Variants in HMGA2 observed in about 807,000 individuals in gnomAD.
The protein encoded by HMGA2 is high mobility group AT-hook 2, also known as high mobility group protein HMGI-C.
A neutral mutation model predicts 19.1 loss-of-function variants in HMGA2; 8 were observed. That is an observed-to-expected ratio of 0.42 (90% CI 0.25 to 0.76). The LOEUF (loss-of-function observed/expected upper bound fraction) is 0.76, where lower values mean the gene tolerates loss of function less well. HMGA2 is among the 30% of genes least tolerant of loss of function. The pLI is 0.28. For missense variants in HMGA2, 109 were observed against 136.3 expected, an observed-to-expected ratio of 0.80 and a Z score of 1.00; for synonymous variants, 60 against 48.8, an observed-to-expected ratio of 1.23 and a Z score of -0.96.
intron 3 of HMGA2, among the ~76,000 whole-genome samples, chr12:65,861,334 T>G (rs1872054398): frequency 6.6e-6 from 1 of 151,960 alleles, no homozygotes; most frequent in Non-Finnish European, 1.5e-5. Flanking sequence ...CCACCGCACC[T>G]CCAGCCTGGC....
intron 3 of HMGA2, among the ~76,000 whole-genome samples, chr12:65,927,712 T>C (rs10878347): frequency 0.29 from 44,500 of 151,698 alleles, 7,339 homozygotes; most frequent in African/African-American, 0.43. Flanking sequence ...GCTATCCAAA[T>C]ATCTTTACTG....
intron 3 of HMGA2, among the ~76,000 whole-genome samples, chr12:65,915,886 C>G (rs1875081166): frequency 6.6e-6 from 1 of 152,146 alleles, no homozygotes; most frequent in African/African-American, 2.4e-5. Context: ...CGTTGCTTCC[C>G]CCTCTTCTCT....
intron 3 of HMGA2, among the ~76,000 whole-genome samples, chr12:65,851,034 G>A (rs1387553734): frequency 6.6e-6 from 1 of 152,068 alleles, no homozygotes; most frequent in Non-Finnish European, 1.5e-5. Context: ...TTCCTACTTG[G>A]GGTACTGTAA....
At chr12:65,852,558 A>G (rs557299183) in intron 3 of HMGA2, among the ~76,000 whole-genome samples, 3 of 152,270 alleles carry the variant, frequency 2.0e-5, no homozygotes, top group Admixed American at 6.5e-5. Context: ...GGTGAATGAA[A>G]TTGTTCCTGT....
At chr12:65,917,038 A>C (rs1337518424) in intron 3 of HMGA2, among the ~76,000 whole-genome samples, 1 of 152,198 alleles carries the variant, frequency 6.6e-6, no homozygotes, top group Non-Finnish European at 1.5e-5. Context: ...AAAGAGGAAG[A>C]GGTGTCAGGG....
intron 1 of HMGA2, 145 bp from the exon 2 acceptor site, chr12:65,827,856 A>C (rs142185585): frequency 2.8e-6 from 2 of 702,576 alleles, no homozygotes; most frequent in Admixed American, 2.0e-5. Flanking sequence ...TAAACTCTGT[A>C]CCATCATCAT....
At chr12:65,962,080 T>C (rs1268963030) in intron 4 of HMGA2, among the ~76,000 whole-genome samples, 2 of 152,220 alleles carry the variant, frequency 1.3e-5, no homozygotes, top group Non-Finnish European at 2.9e-5. Flanking sequence ...ATAAGCTGTT[T>C]TAAGCTGGCC....
intron 3 of HMGA2, chr12:65,915,266 C>G (rs1348099838): frequency 3.3e-6 from 5 of 1,512,592 alleles, no homozygotes; most frequent in Non-Finnish European, 4.4e-6. Flanking sequence ...CATTTCAAAA[C>G]ACTGGCTTAT....
chr12:65,838,438 T>C, intron 2 of HMGA2, 81 bp from the exon 3 acceptor site: 1 of 1,062,964 alleles, frequency 9.4e-7, no homozygotes, highest in South Asian at 1.4e-5. Flanking sequence ...AGAACATTCT[T>C]ACTTCAAATG....
chr12:65,896,740 G>A (rs1243319883), intron 3 of HMGA2, among the ~76,000 whole-genome samples: 3 of 152,180 alleles, frequency 2.0e-5, no homozygotes, highest in Non-Finnish European at 4.4e-5. Flanking sequence ...AGCCTGCGGG[G>A]AGGTCTGTGT....
intron 3 of HMGA2, chr12:65,855,979 A>G (rs1056877137): frequency 4.6e-5 from 7 of 151,292 alleles, no homozygotes; most frequent in Admixed American, 2.6e-4. Flanking sequence ...GGTGGTAACT[A>G]TTATCTTATT....
intron 3 of HMGA2, among the ~76,000 whole-genome samples, chr12:65,898,753 A>G (rs1248221603): frequency 1.3e-5 from 2 of 152,020 alleles, no homozygotes; most frequent in Non-Finnish European, 2.9e-5. Context: ...TCCCATTTTA[A>G]AGATGAGGAG....
At position 65,914,598 on chromosome 12, in the gene HMGA2, C is replaced by G. The variant is rs1236016034; in HGVS notation, c.250-36785C>G. 3.6e-5 allele frequency: 9 copies of G among 250,772 alleles called. 1 individual carries two copies. In the Admixed American group the frequency reaches 4.5e-4, roughly 13 times the overall value. The allele number at this position is 250,772 out of a possible 1,614,324, so 15.5% of individuals were successfully genotyped here. A position where few individuals can be genotyped will look rare whatever the true frequency, so the allele number is the denominator to read the frequency against. On this transcript the variant is annotated intron_variant, in intron 3 of 4. Coordinates refer to ENST00000403681, the MANE Select transcript of HMGA2 (RefSeq NM_003483.6). ...GCACGGCACATGTATACATATGTAA[C>G]TAACCTGCACAATGTGCACATGTAC...
chr12:65,884,423 C>A (rs1031172776), intron 3 of HMGA2, among the ~76,000 whole-genome samples: 3 of 152,202 alleles, frequency 2.0e-5, no homozygotes, highest in Non-Finnish European at 2.9e-5. Flanking sequence ...TATTTGCATG[C>A]TCATGGCTGT....
At chr12:65,861,635 A>AC (rs1872075904) in intron 3 of HMGA2, among the ~76,000 whole-genome samples, 1 of 151,094 alleles carries the variant, frequency 6.6e-6, no homozygotes, top group African/African-American at 2.4e-5. Context: ...AAAAAAAAAA[A>AC]AAAAAACCTA....
At chr12:65,840,121 C>G (rs1482561120) in intron 3 of HMGA2, among the ~76,000 whole-genome samples, 1 of 152,162 alleles carries the variant, frequency 6.6e-6, no homozygotes, top group Admixed American at 6.5e-5. Context: ...TCACCTAGAA[C>G]TAAATATCAT....
At chr12:65,922,797 G>A (rs1045118060) in intron 3 of HMGA2, among the ~76,000 whole-genome samples, 2 of 152,134 alleles carry the variant, frequency 1.3e-5, no homozygotes, top group African/African-American at 2.4e-5. Flanking sequence ...GGACCCAGGG[G>A]AGATAATTGA....
chr12:65,914,789 C>T (rs1210910792), intron 3 of HMGA2: 3 of 398,748 alleles, frequency 7.5e-6, no homozygotes, highest in East Asian at 4.9e-5. Context: ...ATTCTCCTGC[C>T]TCAGGCTCCT....
intron 3 of HMGA2, among the ~76,000 whole-genome samples, chr12:65,941,316 A>G (rs546194556): frequency 2.0e-5 from 3 of 152,352 alleles, no homozygotes; most frequent in Admixed American, 6.5e-5. Context: ...TCCAGGAAGA[A>G]GGTATCCTCT....
Sources: gnomAD v4.1 joint callset for allele counts (sites outside exome capture counted in the v4.1 genomes callset) on GRCh38, gnomAD v4.1.1 for gene constraint, MANE v1.5 for transcripts, NCBI Gene and HGNC (gene_info 2026-07-23, HGNC 2026-07-21) for gene names.